The following ATRNL1 variants were observed in gnomAD, a reference collection of about 807,000 sequenced individuals.
ATRNL1 encodes attractin like 1, also known as attractin-like protein 1.
ATRNL1 carries 95 observed loss-of-function variants against 182.7 expected under a neutral mutation model. The observed-to-expected ratio is 0.52, with a 90% confidence interval of 0.44 to 0.62. The LOEUF is 0.62. Ranked by LOEUF, ATRNL1 falls within the 20% of genes least tolerant of loss-of-function variation. ATRNL1 has a pLI of 0.00. For missense variants in ATRNL1, 1,471 were observed against 1,679.5 expected, an observed-to-expected ratio of 0.88 and a Z score of 2.17; for synonymous variants, 576 against 568.3, an observed-to-expected ratio of 1.01 and a Z score of -0.19.
intron 27 of ATRNL1, among the ~76,000 whole-genome samples, chr10:115,834,133 C>T (rs1424771089): frequency 6.6e-6 from 1 of 152,166 alleles, no homozygotes; most frequent in African/African-American, 2.4e-5. Context: ...TCTATCATAT[C>T]CCTGCATACC....
chr10:115,611,068 A>G (rs528200019), intron 26 of ATRNL1, among the ~76,000 whole-genome samples: 8 of 84,112 alleles, frequency 9.5e-5, no homozygotes, highest in East Asian at 1.4e-3. Context: ...TTTTTTTACT[A>G]TATACCTCTT....
At chr10:115,125,787 C>T (rs1430145303) in intron 3 of ATRNL1, among the ~76,000 whole-genome samples, 1 of 152,188 alleles carries the variant, frequency 6.6e-6, no homozygotes, top group Non-Finnish European at 1.5e-5. Context: ...TTCTTTCCTT[C>T]ATTCTGTAAA....
intron 8 of ATRNL1, among the ~76,000 whole-genome samples, chr10:115,203,367 A>G (rs1247238178): frequency 6.6e-6 from 1 of 152,074 alleles, no homozygotes; most frequent in Non-Finnish European, 1.5e-5. Flanking sequence ...TAGAGAAAAA[A>G]CAGACCCTAT....
intron 27 of ATRNL1, among the ~76,000 whole-genome samples, chr10:115,801,479 C>A (rs542229215): frequency 6.6e-6 from 1 of 152,154 alleles, no homozygotes; most frequent in Non-Finnish European, 1.5e-5. Flanking sequence ...CCATTCTGCC[C>A]TTTATTTGCA....
At chr10:115,903,344 G>T (rs980517424) in intron 28 of ATRNL1, among the ~76,000 whole-genome samples, 9 of 151,952 alleles carry the variant, frequency 5.9e-5, no homozygotes, top group African/African-American at 1.9e-4. Flanking sequence ...CATTTCCCTG[G>T]CCTGGACTTT....
At chr10:115,488,794 C>T (rs1420506456) in intron 24 of ATRNL1, among the ~76,000 whole-genome samples, 2 of 152,076 alleles carry the variant, frequency 1.3e-5, no homozygotes, top group African/African-American at 2.4e-5. Context: ...TCTTGCTTCT[C>T]TAGTTCTTTT....
At chr10:115,837,879 A>G (rs192451834) in intron 27 of ATRNL1, among the ~76,000 whole-genome samples, 303 of 152,302 alleles carry the variant, frequency 2.0e-3, no homozygotes, top group African/African-American at 7.0e-3. Context: ...AAAGGGAACT[A>G]TTAACATTGA....
chr10:115,868,850 G>A (rs1951504331), intron 28 of ATRNL1, among the ~76,000 whole-genome samples: 1 of 34,208 alleles, frequency 2.9e-5, no homozygotes, highest in African/African-American at 9.9e-5. Context: ...TTTTTTTTGA[G>A]ACGGAGTCTC....
At chr10:115,525,564 T>G (rs1442721222) in intron 25 of ATRNL1, among the ~76,000 whole-genome samples, 1 of 152,216 alleles carries the variant, frequency 6.6e-6, no homozygotes, top group African/African-American at 2.4e-5. Flanking sequence ...AGTCCTCCCA[T>G]GGAACACAAC....
intron 21 of ATRNL1, among the ~76,000 whole-genome samples, chr10:115,452,775 A>T (rs1847340850): frequency 6.6e-6 from 1 of 152,158 alleles, no homozygotes; most frequent in African/African-American, 2.4e-5. Flanking sequence ...ACTATCCTGT[A>T]TAGTAGATCA....
intron 19 of ATRNL1, among the ~76,000 whole-genome samples, chr10:115,389,417 G>C (rs578024264): frequency 7.7e-4 from 115 of 150,056 alleles, no homozygotes; most frequent in Admixed American, 1.5e-3. Flanking sequence ...GGAGGCTGAG[G>C]CAGGAGAATT....
chr10:115,563,200 C>T (rs1288585784), intron 26 of ATRNL1, among the ~76,000 whole-genome samples: 1 of 152,054 alleles, frequency 6.6e-6, no homozygotes, highest in African/African-American at 2.4e-5. Flanking sequence ...GTGTAAGATT[C>T]TTTATATTGC....
chr10:115,167,110 G>T (rs921026462), intron 7 of ATRNL1, among the ~76,000 whole-genome samples: 4 of 151,782 alleles, frequency 2.6e-5, no homozygotes, highest in African/African-American at 9.7e-5. Context: ...TCCTTTGCAC[G>T]TGGATAGCCA....
intron 28 of ATRNL1, among the ~76,000 whole-genome samples, chr10:115,870,021 T>C (rs1391216356): frequency 6.9e-6 from 1 of 143,984 alleles, no homozygotes; most frequent in Non-Finnish European, 1.5e-5. Flanking sequence ...ATGAAAAAGA[T>C]TTCTGGGTAA....
chr10:115,522,884 A>C (rs781844936), intron 25 of ATRNL1, among the ~76,000 whole-genome samples: 1 of 152,206 alleles, frequency 6.6e-6, no homozygotes. Context: ...AAGACATTAA[A>C]TCTTAAAGCT....
intron 27 of ATRNL1, among the ~76,000 whole-genome samples, chr10:115,737,984 A>C (rs782198281): frequency 6.6e-6 from 1 of 152,098 alleles, no homozygotes; most frequent in East Asian, 1.9e-4. Context: ...ATAGGACCCA[A>C]TCCCTAATTG....
At chr10:115,896,778 T>A (rs2134477651) in intron 28 of ATRNL1, among the ~76,000 whole-genome samples, 1 of 152,288 alleles carries the variant, frequency 6.6e-6, no homozygotes, top group Non-Finnish European at 1.5e-5. Flanking sequence ...TGGAAGCTGT[T>A]CAAAAAATAT....
At chr10:115,261,408 A>G (rs1254088727) in intron 10 of ATRNL1, among the ~76,000 whole-genome samples, 1 of 152,184 alleles carries the variant, frequency 6.6e-6, no homozygotes, top group East Asian at 1.9e-4. Context: ...ATAACAGGGG[A>G]GAAATATGGA....
chr10:115,760,388 G>A (rs558831904), intron 27 of ATRNL1, among the ~76,000 whole-genome samples: 2 of 151,888 alleles, frequency 1.3e-5, no homozygotes, highest in East Asian at 1.9e-4. Flanking sequence ...ATATTTTTAC[G>A]TATTCATTGG....
Sources: allele counts gnomAD v4.1 joint callset (sites outside exome capture counted in the v4.1 genomes callset), GRCh38; gene constraint gnomAD v4.1.1; transcripts MANE v1.5; gene names NCBI Gene and HGNC (gene_info 2026-07-23, HGNC 2026-07-21).